Variants in NLRP7 observed in about 807,000 individuals in gnomAD.
The protein encoded by NLRP7 is NLR family pyrin domain containing 7.
NLRP7 carries 72 observed loss-of-function variants against 85.5 expected under a neutral mutation model. That is an observed-to-expected ratio of 0.84 (90% CI 0.70 to 1.02). The LOEUF (loss-of-function observed/expected upper bound fraction) is 1.02, where lower values mean the gene tolerates loss of function less well. Among genes scored for constraint, NLRP7 ranks in the 50% least tolerant of loss-of-function variants. NLRP7 has a pLI of 0.00. For synonymous variants in NLRP7, 550 were observed against 505.2 expected, an observed-to-expected ratio of 1.09 and a Z score of -1.19; for missense variants, 1,243 against 1,219.5, an observed-to-expected ratio of 1.02 and a Z score of -0.29.
chr19:54,949,134 C>T (rs1045234443), upstream of NLRP7: 2 of 151,864 alleles, frequency 1.3e-5, no homozygotes, highest in Non-Finnish European at 2.9e-5. Context: ...AAGAATTAGC[C>T]AGGCATGGTG....
exon 4 of NLRP7, chr19:54,939,597 G>A (rs769909659): frequency 6.2e-7 from 1 of 1,611,618 alleles, no homozygotes; most frequent in Non-Finnish European, 8.5e-7. Flanking sequence ...GCGCCCCGCA[G>A]CTGTGCGCCC....
intron 1 of NLRP7, among the ~76,000 whole-genome samples, chr19:54,959,141 CTTTTT>C (rs74177888): frequency 2.2e-5 from 3 of 134,672 alleles, no homozygotes; most frequent in Non-Finnish European, 3.2e-5. Flanking sequence ...TTTTCTTTTT[CTTTTT>C]TTTTTTTTTT....
At chr19:54,955,432 G>A (rs2069820836) in intron 1 of NLRP7, among the ~76,000 whole-genome samples, 1 of 152,216 alleles carries the variant, frequency 6.6e-6, no homozygotes, top group Non-Finnish European at 1.5e-5. Flanking sequence ...ACTTTGGGCA[G>A]CCCAGGTAGG....
chr19:54,926,915 TTAAAAAA>T (rs1276278743), intron 9 of NLRP7, among the ~76,000 whole-genome samples: 26 of 130,884 alleles, frequency 2.0e-4, no homozygotes, highest in Non-Finnish European at 2.5e-4. Flanking sequence ...GACTCTGTCT[TTAAAAAA>T]AAAAAAAAAA....
At chr19:54,942,255 CAAA>C (rs576434793) in intron 1 of NLRP7, among the ~76,000 whole-genome samples, 39 of 59,442 alleles carry the variant, frequency 6.6e-4, no homozygotes, top group African/African-American at 1.2e-3. Context: ...GACTCCGTCT[CAAA>C]AAAAAAAAAA....
At chr19:54,941,468 C>T (rs1349951996) in exon 2 of NLRP7, 2 of 1,612,752 alleles carry the variant, frequency 1.2e-6, no homozygotes, top group African/African-American at 2.7e-5. Context: ...TTACACAATT[C>T]CGTGAGATTC....
chr19:54,925,240 T>C (rs956545422), intron 9 of NLRP7, among the ~76,000 whole-genome samples: 2 of 152,122 alleles, frequency 1.3e-5, no homozygotes, highest in Non-Finnish European at 2.9e-5. Context: ...GGGCTAGAGA[T>C]TTGTCACCAA....
intron 1 of NLRP7, among the ~76,000 whole-genome samples, chr19:54,958,726 CA>C (rs2146282337): frequency 1.3e-5 from 2 of 152,144 alleles, no homozygotes; most frequent in African/African-American, 4.8e-5. Flanking sequence ...GAGCCACAGA[CA>C]AAAACCTCTC....
At chr19:54,964,711 A>C (rs1398427581) in intron 1 of NLRP7, among the ~76,000 whole-genome samples, 1 of 144,866 alleles carries the variant, frequency 6.9e-6, no homozygotes, top group Non-Finnish European at 1.5e-5. Context: ...TTGTAATCTC[A>C]GCTACTCGGG....
chr19:54,954,030 A>AAGGG (rs1395778675), intron 1 of NLRP7, among the ~76,000 whole-genome samples: 4 of 148,960 alleles, frequency 2.7e-5, no homozygotes, highest in African/African-American at 7.4e-5. Context: ...ATAAATAAAA[A>AAGGG]TAAATAAAGC....
intron 1 of NLRP7, among the ~76,000 whole-genome samples, chr19:54,953,678 T>A (rs2069749116): frequency 1.3e-5 from 2 of 151,748 alleles, no homozygotes; most frequent in Admixed American, 1.3e-4. Flanking sequence ...CATAAGACAA[T>A]ATGAGGGGTG....
chr19:54,929,918 T>C (rs1188519598), intron 9 of NLRP7, among the ~76,000 whole-genome samples: 1 of 140,316 alleles, frequency 7.1e-6, no homozygotes, highest in Non-Finnish European at 1.5e-5. Context: ...ATCGAGACCA[T>C]CCTGGCTAAC....
At chr19:54,951,350 C>A (rs1038756990), upstream of NLRP7, among the ~76,000 whole-genome samples, 1 of 152,016 alleles carries the variant, frequency 6.6e-6, no homozygotes, top group African/African-American at 2.4e-5. Context: ...AGTTTGAGAC[C>A]AGCCCAGCCA....
At chr19:54,950,123 A>C (rs973489806), upstream of NLRP7, among the ~76,000 whole-genome samples, 1 of 150,492 alleles carries the variant, frequency 6.6e-6, no homozygotes, top group Non-Finnish European at 1.5e-5. Flanking sequence ...ACCAGGAAAG[A>C]GTTCAGAAGA....
intron 5 of NLRP7, among the ~76,000 whole-genome samples, chr19:54,937,078 C>T (rs2068962628): frequency 1.3e-5 from 2 of 151,062 alleles, no homozygotes; most frequent in South Asian, 2.1e-4. Context: ...ACTAGCCGGG[C>T]GTGGTGGCGG....
exon 5 of NLRP7, chr19:54,938,154 T>G (rs377612052): frequency 1.2e-6 from 2 of 1,613,890 alleles, no homozygotes; most frequent in African/African-American, 2.7e-5. Flanking sequence ...GGTTGCTGTT[T>G]GAGCTGAAGA....
chr19:54,953,984 G>A (rs2069763476), intron 1 of NLRP7, among the ~76,000 whole-genome samples: 2 of 151,694 alleles, frequency 1.3e-5, no homozygotes. Context: ...TCCAGCCTGG[G>A]TGACAGAGCG....
In NLRP7 at chr19:54,938,248, G is replaced by C. The variant is rs746951549; in HGVS notation, c.1932-7C>G. On this transcript the variant is annotated splice_region_variant and splice_polypyrimidine_tract_variant and intron_variant, in intron 4 of 9. Transcript: ENST00000340844. ...AATGGTTAGGTAAGTGCACCTGCAG[G>C]AGAACACACGTTCATCTCTTAGGAC... is the stretch of plus-strand genomic sequence containing the variant. 1.2e-6 allele frequency: 2 copies of C among 1,612,880 alleles called. No individual in the cohort carries two copies. Among genetic ancestry groups the C allele is most frequent in the Non-Finnish European group, 1.7e-6 (2 of 1,178,948 alleles).
rs779119795 is a variant in NLRP7, at chr19:54,940,507, T to C, written c.353-41A>G. 18 of 1,607,894 alleles carry C rather than the reference T, an allele frequency of 1.1e-5. No individual in the cohort carries two copies. In the South Asian group the frequency reaches 1.8e-4, roughly 16 times the overall value. ...ATAGGACAGTTGAGGTTGATGATGA[T>C]GATTTTCTGAATTATTTTGTCAAGT... On this transcript the variant is annotated intron_variant, in intron 3 of 9. Coordinates refer to ENST00000340844, the Ensembl canonical transcript of NLRP7.
Sources: allele counts gnomAD v4.1 joint callset (sites outside exome capture counted in the v4.1 genomes callset), GRCh38; gene constraint gnomAD v4.1.1; transcripts MANE v1.5; gene names NCBI Gene and HGNC (gene_info 2026-07-23, HGNC 2026-07-21).